Variants in PDK3 observed in about 807,000 individuals in gnomAD.
The protein encoded by PDK3 is pyruvate dehydrogenase kinase 3.
A neutral mutation model predicts 32.0 loss-of-function variants in PDK3; 12 were observed. That is an observed-to-expected ratio of 0.37 (90% confidence interval 0.24 to 0.61). PDK3 has a LOEUF of 0.61. PDK3 is among the 20% of genes least tolerant of loss of function. The probability of loss-of-function intolerance (pLI) is 0.65; values close to 1 mark genes in which losing one functional copy is unlikely to be tolerated. For missense variants in PDK3, 188 were observed against 316.9 expected, an observed-to-expected ratio of 0.59 and a Z score of 3.09; for synonymous variants, 122 against 116.3, an observed-to-expected ratio of 1.05 and a Z score of -0.31.
intron 3 of PDK3, among the ~76,000 whole-genome samples, chrX:24,500,416 C>T (rs1037903887): frequency 2.7e-5 from 3 of 111,505 alleles, no homozygotes; most frequent in Admixed American, 9.5e-5. Context: ...CAGTCCCCTG[C>T]GGATACTGAG....
At chrX:24,493,294 T>C (rs1921616916) in intron 1 of PDK3, among the ~76,000 whole-genome samples, 1 of 111,480 alleles carries the variant, frequency 9.0e-6, no homozygotes, top group African/African-American at 3.3e-5. Context: ...TTTTTGAGAA[T>C]GGAGAAGGGG....
Position 24,531,694 on chromosome X carries a change from A to G in PDK3, c.1001A>G (p.Tyr334Cys). 4 of 1,202,096 alleles carry G rather than the reference A, an allele frequency of 3.3e-6. No individual in the cohort carries two copies. The highest frequency in any genetic ancestry group is 4.5e-6 in the Non-Finnish European group (4 of 887,207). Residue 334 changes from tyrosine to cysteine, a missense_variant, in exon 10 of 11, where the codon TAT becomes TGT. By Grantham distance (194) the Tyr-to-Cys change is radical (BLOSUM62 -2). Transcript: ENST00000379162. ...FGYGLPISRL[Y>C]ARYFQGDLKL... ...TATGGTTTGCCAATTTCCCGTCTGTATGCTAGATATTTTCAAGGAGATCTG... is the reference window on the plus strand; with the variant it reads ...TATGGTTTGCCAATTTCCCGTCTGTGTGCTAGATATTTTCAAGGAGATCTG...
At position 24,498,834 on chromosome X, in the gene PDK3, T is replaced by A; in HGVS notation, c.254T>A (p.Met85Lys). Residue 85 changes from methionine (M) to lysine (K), a missense_variant, in exon 3 of 11, where the codon ATG becomes AAG. Physicochemically the swap from Met to Lys is moderately conservative, Grantham distance 95. Coordinates refer to ENST00000379162, the MANE Select transcript of PDK3 (RefSeq NM_005391.5). ...TTTTTTTTTTTTCCTTTTAGGTATA[T>A]GCAGAGTTTTCTTGAACTTTTAGAA... is the stretch of plus-strand genomic sequence containing the variant. ...PSVGLVQSWY[M>K]QSFLELLEYE... is the part of the protein sequence containing the mutation. 8.9e-7 allele frequency: 1 copy of A among 1,120,193 alleles called. No individual in the cohort carries two copies. Among genetic ancestry groups the A allele is most frequent in the Non-Finnish European group, 1.2e-6 (1 of 830,339 alleles). The allele number at this position is 1,120,193 out of a possible 1,213,427, so 92.3% of individuals were successfully genotyped here.
At chrX:24,529,736 G>A (rs1922604311) in intron 9 of PDK3, among the ~76,000 whole-genome samples, 1 of 104,257 alleles carries the variant, frequency 9.6e-6, no homozygotes, top group African/African-American at 3.5e-5. Context: ...TCCAGCCTGG[G>A]CGACAGAGCG....
rs986058026 is a variant in PDK3, at chrX:24,483,288, C to G, written c.107-11454C>G. On this transcript the variant is annotated intron_variant, in intron 1 of 10. Coordinates refer to ENST00000379162, the MANE Select transcript of PDK3 (RefSeq NM_005391.5). ...CCATTAGCTATTCCTGCTTCCATGA[C>G]AACAGGGCATCCTGTAACTCACCAA... Among the ~76,000 whole-genome samples the G allele has an allele frequency of 2.7e-5, 3 of 112,141 alleles. No individual in the cohort carries two copies. In the East Asian group the frequency reaches 8.4e-4, roughly 31 times the overall value.
chrX:24,542,504 T>C (rs1922913158), exon 12 of PDK3, among the ~76,000 whole-genome samples: 1 of 112,971 alleles, frequency 8.9e-6, no homozygotes, highest in South Asian at 3.6e-4. Context: ...AGGTGATTTG[T>C]ATTATCTCTT....
At chrX:24,538,639 C>T (rs184625883), downstream of PDK3, among the ~76,000 whole-genome samples, 186 of 110,463 alleles carry the variant, frequency 1.7e-3, no homozygotes, top group African/African-American at 5.4e-3. Context: ...ATTAGCCGGG[C>T]GGTGGTGGCG....
chrX:24,528,546 C>T lies in PDK3; in HGVS notation c.963+360C>T, dbSNP rs761841847. Among the ~76,000 whole-genome samples the T allele has an allele frequency of 2.7e-5, 3 of 112,818 alleles. No individual in the cohort carries two copies. The East Asian group carries it at 8.3e-4, about 31-fold the overall frequency. On this transcript the variant is annotated intron_variant, in intron 9 of 10. Transcript: ENST00000379162. Reference sequence around the variant, plus strand: ...GTGAGCAAAGGGACAGTACTGAATGCATAGCTGCCGCTTGGTCCTGCGCAC... The same window carrying T: ...GTGAGCAAAGGGACAGTACTGAATGTATAGCTGCCGCTTGGTCCTGCGCAC...
intron 9 of PDK3, 116 bp downstream of exon 9, chrX:24,528,302 G>A: frequency 2.3e-6 from 1 of 437,181 alleles, no homozygotes; most frequent in East Asian, 3.8e-5. Context: ...AAGGTTGCGT[G>A]TATTATGGTT....
At chrX:24,479,866 T>C (rs1389656487) in intron 1 of PDK3, among the ~76,000 whole-genome samples, 4 of 111,806 alleles carry the variant, frequency 3.6e-5, no homozygotes, top group Admixed American at 9.5e-5. Flanking sequence ...TACTGAGTAC[T>C]TACCAACTAA....
At chrX:24,470,174 G>A (rs766358342) in intron 1 of PDK3, among the ~76,000 whole-genome samples, 3 of 111,703 alleles carry the variant, frequency 2.7e-5, no homozygotes, top group Non-Finnish European at 5.6e-5. Context: ...ATAAATTTTT[G>A]TTTTCAAAAA....
At chrX:24,529,283 T>C (rs1285651505) in intron 9 of PDK3, among the ~76,000 whole-genome samples, 6 of 112,192 alleles carry the variant, frequency 5.3e-5, no homozygotes, top group African/African-American at 1.9e-4. Context: ...CATAGGTTTT[T>C]TTTCTTATTG....
chrX:24,468,599 A>G (rs1940084322), intron 1 of PDK3, among the ~76,000 whole-genome samples: 1 of 112,006 alleles, frequency 8.9e-6, no homozygotes, highest in Admixed American at 9.5e-5. Context: ...TCCCCCTGTC[A>G]TTCTAAAGCA....
downstream of PDK3, chrX:24,539,186 C>T: frequency 9.3e-7 from 1 of 1,070,608 alleles, no homozygotes; most frequent in Admixed American, 2.7e-5. Flanking sequence ...CTGTGGTCCT[C>T]TCTGTGAAGA....
rs1369194921 is a variant in PDK3, at chrX:24,544,582, G to C, written c.*5418G>C. On this transcript the variant is annotated 3_prime_UTR_variant, in exon 12 of 12. Coordinates refer to the PDK3 transcript ENST00000568479. ...GTTAACAAATGATCAGTAGAGTCTT[G>C]GGAATCTTCTCATTAACTGCCCAGC... Among the ~76,000 whole-genome samples, 3 of 112,074 alleles carry C rather than the reference G, an allele frequency of 2.7e-5. No homozygotes were observed. In the East Asian group the frequency reaches 8.4e-4, roughly 31 times the overall value.
chrX:24,468,207 G>A (rs1463625818), intron 1 of PDK3, among the ~76,000 whole-genome samples: 2 of 112,145 alleles, frequency 1.8e-5, no homozygotes, highest in African/African-American at 6.5e-5. Flanking sequence ...CAAAAGTGGA[G>A]GCTAAAACTT....
Position 24,534,130 on chromosome X carries a change from C to T in PDK3, c.*58C>T. 1.8e-6 allele frequency: 2 copies of T among 1,111,626 alleles called. No individual in the cohort carries two copies. Among genetic ancestry groups the T allele is most frequent in the Non-Finnish European group, 2.4e-6 (2 of 842,274 alleles). 91.6% of individuals were successfully genotyped at this position (1,111,626 alleles called of 1,213,427 possible). ...GATTTGTCTGAATAAAGGTGTCCCA[C>T]TCACTGTTCCAGGAATTCTTGCAGT... On this transcript the variant is annotated 3_prime_UTR_variant, in exon 11 of 11. Transcript: ENST00000379162.
At chrX:24,484,826 C>CTT in intron 1 of PDK3, among the ~76,000 whole-genome samples, 1 of 109,875 alleles carries the variant, frequency 9.1e-6, no homozygotes, top group South Asian at 4.2e-4. Flanking sequence ...TTATTTTTCC[C>CTT]TCTCCATCCA....
At position 24,491,726 on chromosome X, in the gene PDK3, G is replaced by A. The variant is rs138561072; in HGVS notation, c.107-3016G>A. On this transcript the variant is annotated intron_variant, in intron 1 of 10. Coordinates refer to ENST00000379162, the MANE Select transcript of PDK3 (RefSeq NM_005391.5). ...TCCCAGCACTTTGGGAGGCTGAGAC[G>A]GGAGGATCGCTTGAGCCCAGGAGTT... Among the ~76,000 whole-genome samples the A allele has an allele frequency of 3.0e-3, 331 of 111,330 alleles. 1 individual carries two copies. The highest frequency in any genetic ancestry group is 5.1e-3 in the Non-Finnish European group (272 of 53,004).
Sources: gnomAD v4.1 joint callset for allele counts (sites outside exome capture counted in the v4.1 genomes callset) on GRCh38, gnomAD v4.1.1 for gene constraint, MANE v1.5 for transcripts, NCBI Gene and HGNC (gene_info 2026-07-23, HGNC 2026-07-21) for gene names.